PIK3R1: variants seen among roughly 807,000 people sequenced by gnomAD.
PIK3R1 encodes phosphoinositide-3-kinase regulatory subunit 1, also known as phosphatidylinositol 3-kinase regulatory subunit alpha.
Under a neutral mutation model 98.0 loss-of-function variants are expected in PIK3R1, and 29 were observed. The ratio of observed to expected loss-of-function variants is 0.30; its 90% CI spans 0.22 to 0.40. The LOEUF is 0.40. Ranked by LOEUF, PIK3R1 falls within the 10% of genes least tolerant of loss-of-function variation. PIK3R1 has a pLI of 1.00. For missense variants in PIK3R1, 596 were observed against 872.7 expected, an observed-to-expected ratio of 0.68 and a Z score of 3.99; for synonymous variants, 282 against 311.8, an observed-to-expected ratio of 0.90 and a Z score of 1.01.
At chr5:68,295,107 A>T (rs944161061) in intron 12 of PIK3R1, 41 bp from the exon 13 acceptor site, 5 of 1,563,192 alleles carry the variant, frequency 3.2e-6, no homozygotes, top group Admixed American at 1.7e-5. Flanking sequence ...ACCGTTCCTG[A>T]TGTACCCAGA....
intron 14 of PIK3R1, 58 bp downstream of exon 14, chr5:68,295,546 A>C: frequency 7.1e-7 from 1 of 1,405,068 alleles, no homozygotes; most frequent in African/African-American, 1.4e-5. Context: ...AGGAAAATGC[A>C]TGACTTGCTT....
chr5:68,297,001 G>C (rs1345092408), intron 15 of PIK3R1, among the ~76,000 whole-genome samples: 1 of 152,212 alleles, frequency 6.6e-6, no homozygotes, highest in Non-Finnish European at 1.5e-5. Flanking sequence ...CAGCCAGAAA[G>C]AAGGAATCCT....
chr5:68,227,069 CTT>C, intron 2 of PIK3R1, 60 bp downstream of exon 2: 1 of 1,470,346 alleles, frequency 6.8e-7, no homozygotes, highest in Non-Finnish European at 9.2e-7. Flanking sequence ...AAGGAAAAGT[CTT>C]AAGTTTGGGT....
intron 2 of PIK3R1, among the ~76,000 whole-genome samples, chr5:68,232,787 G>A (rs1744531235): frequency 6.6e-6 from 1 of 152,160 alleles, no homozygotes; most frequent in Admixed American, 6.5e-5. Flanking sequence ...TTTCAAAAAT[G>A]GGAAAAGGGT....
At chr5:68,283,366 T>C (rs940425749) in intron 7 of PIK3R1, among the ~76,000 whole-genome samples, 1 of 152,198 alleles carries the variant, frequency 6.6e-6, no homozygotes, top group African/African-American at 2.4e-5. Flanking sequence ...CATTAGCACA[T>C]AGTATCTAAT....
chr5:68,226,933 A>T lies in PIK3R1; in HGVS notation c.258A>T (p.Thr86=). 1 of 1,614,134 alleles carries T rather than the reference A, an allele frequency of 6.2e-7. No homozygotes were observed. Among genetic ancestry groups the T allele is most frequent in the Non-Finnish European group, 8.5e-7 (1 of 1,180,002 alleles). The part of the protein sequence containing the change: ...YIGRKKISPP[T]PKPRPPRPLP... ...GAAGGAAAAAAATCTCGCCTCCCAC[A>T]CCAAAGCCCCGGCCACCTCGGCCTC... The change falls in exon 2 of 16, where the codon ACA becomes ACT. Residue 86 remains threonine, a synonymous_variant. Coordinates refer to ENST00000521381, the MANE Select transcript of PIK3R1 (RefSeq NM_181523.3).
chr5:68,251,010 C>T (rs781223976), intron 2 of PIK3R1, among the ~76,000 whole-genome samples: 9 of 152,104 alleles, frequency 5.9e-5, no homozygotes, highest in African/African-American at 1.4e-4. Context: ...TCTGGTGCTC[C>T]GTGTCTGTTT....
intron 1 of PIK3R1, among the ~76,000 whole-genome samples, chr5:68,221,729 A>G (rs1485970272): frequency 2.0e-5 from 3 of 152,206 alleles, no homozygotes; most frequent in Non-Finnish European, 4.4e-5. Context: ...CAGAAAATCT[A>G]CTTTACAGCA....
chr5:68,244,143 T>TA (rs1744976585), intron 2 of PIK3R1, among the ~76,000 whole-genome samples: 2 of 152,218 alleles, frequency 1.3e-5, no homozygotes, highest in Non-Finnish European at 2.9e-5. Context: ...TATTTATATA[T>TA]AAAAACCTTT....
chr5:68,234,053 C>G (rs1173561860), intron 2 of PIK3R1, among the ~76,000 whole-genome samples: 3 of 152,090 alleles, frequency 2.0e-5, no homozygotes, highest in Non-Finnish European at 4.4e-5. Flanking sequence ...ATTTGATGAT[C>G]AAATCTGATA....
intron 4 of PIK3R1, among the ~76,000 whole-genome samples, chr5:68,278,294 C>T (rs538128871): frequency 1.3e-5 from 2 of 152,184 alleles, no homozygotes; most frequent in South Asian, 4.2e-4. Context: ...TAGTAATACT[C>T]AGACAGAATT....
chr5:68,238,338 G>A (rs764137641), intron 2 of PIK3R1, among the ~76,000 whole-genome samples: 13 of 152,230 alleles, frequency 8.5e-5, no homozygotes, highest in Non-Finnish European at 1.3e-4. Context: ...AAACCTAACC[G>A]AGCCTACTGA....
At chr5:68,255,195 T>C (rs1483626947) in intron 2 of PIK3R1, among the ~76,000 whole-genome samples, 2 of 152,374 alleles carry the variant, frequency 1.3e-5, no homozygotes, top group East Asian at 1.9e-4. Context: ...TTTCAGTCCC[T>C]GATTTGCAAA....
At chr5:68,246,525 C>A (rs1471928357) in intron 2 of PIK3R1, among the ~76,000 whole-genome samples, 4 of 152,172 alleles carry the variant, frequency 2.6e-5, no homozygotes, top group African/African-American at 9.7e-5. Context: ...GTTAGCCAGG[C>A]TGGTCTGGAA....
At chr5:68,271,597 G>A (rs1468503976) in intron 2 of PIK3R1, among the ~76,000 whole-genome samples, 1 of 152,072 alleles carries the variant, frequency 6.6e-6, no homozygotes, top group African/African-American at 2.4e-5. Context: ...AAAAAATTCA[G>A]TTCTTCACTG....
intron 7 of PIK3R1, among the ~76,000 whole-genome samples, chr5:68,287,158 G>A (rs1217079312): frequency 1.3e-5 from 2 of 152,108 alleles, no homozygotes; most frequent in East Asian, 3.8e-4. Context: ...GAGTATGAGG[G>A]TATTATTGAA....
At chr5:68,218,830 G>C (rs137906102) in intron 1 of PIK3R1, among the ~76,000 whole-genome samples, 92 of 152,324 alleles carry the variant, frequency 6.0e-4, no homozygotes, top group African/African-American at 2.0e-3. Context: ...GTTATCAATG[G>C]AAGGAATTAT....
chr5:68,224,338 C>T (rs144187626), intron 1 of PIK3R1, among the ~76,000 whole-genome samples: 2,201 of 152,276 alleles, frequency 0.014, 31 homozygotes, highest in Middle Eastern at 0.02. Flanking sequence ...AATAATATAG[C>T]TTATTTTTCT....
chr5:68,235,794 TTAAC>T (rs1744641904), intron 2 of PIK3R1, among the ~76,000 whole-genome samples: 1 of 152,242 alleles, frequency 6.6e-6, no homozygotes, highest in Admixed American at 6.5e-5. Context: ...GTGGGTCTGT[TTAAC>T]TATTGAAAAT....
Sources: gnomAD v4.1 joint callset for allele counts (sites outside exome capture counted in the v4.1 genomes callset) on GRCh38, gnomAD v4.1.1 for gene constraint, MANE v1.5 for transcripts, NCBI Gene and HGNC (gene_info 2026-07-23, HGNC 2026-07-21) for gene names.